Variants in KAZN observed in about 807,000 individuals in gnomAD.
KAZN encodes kazrin, periplakin interacting protein.
In KAZN, 40 loss-of-function variants were observed where a neutral mutation model predicts 87.4. The observed-to-expected ratio is 0.46, with a 90% CI of 0.36 to 0.60. The LOEUF is 0.60. Among genes scored for constraint, KAZN ranks in the 20% least tolerant of loss-of-function variants. The probability of loss-of-function intolerance (pLI) is 0.00; values close to 1 mark genes in which losing one functional copy is unlikely to be tolerated. For missense variants in KAZN, 898 were observed against 1,073.9 expected, an observed-to-expected ratio of 0.84 and a Z score of 2.29; for synonymous variants, 466 against 458.3, an observed-to-expected ratio of 1.02 and a Z score of -0.22.
At chr1:14,417,095 G>T (rs775577271) in intron 2 of KAZN, among the ~76,000 whole-genome samples, 1 of 151,650 alleles carries the variant, frequency 6.6e-6, no homozygotes, top group South Asian at 2.1e-4. Context: ...AGGAGGCTGA[G>T]GTGGGAGAAT....
intron 1 of KAZN, among the ~76,000 whole-genome samples, chr1:14,916,768 C>T (rs1235622352): frequency 4.6e-5 from 7 of 152,024 alleles, no homozygotes; most frequent in Non-Finnish European, 8.8e-5. Flanking sequence ...TAAAAATTAG[C>T]TGGGCATGGT....
At chr1:14,471,495 T>A in intron 2 of KAZN, among the ~76,000 whole-genome samples, 1 of 152,172 alleles carries the variant, frequency 6.6e-6, no homozygotes, top group East Asian at 1.9e-4. Flanking sequence ...ATTGAGCTAT[T>A]GGCTTTTGCT....
chr1:14,214,839 G>A (rs1365501022), intron 2 of KAZN, among the ~76,000 whole-genome samples: 1 of 152,216 alleles, frequency 6.6e-6, no homozygotes, highest in African/African-American at 2.4e-5. Context: ...TGTGCCCAAG[G>A]CCGTGTGCTG....
rs1453982491 is a variant in KAZN, at chr1:14,555,492, A to T, written c.250-43491A>T. 2.0e-5 allele frequency among the ~76,000 whole-genome samples: 3 copies of T among 152,318 alleles called. No individual in the cohort carries two copies. The East Asian group carries it at 5.8e-4, about 29-fold the overall frequency. ...CACTCTTAAAGGTGCTATAGGAAAT[A>T]ACTTTACTTTAGAAATTACATTGAA... On this transcript the variant is annotated intron_variant, in intron 2 of 16. Coordinates refer to the KAZN transcript ENST00000636203.
In KAZN at chr1:15,056,821, A is replaced by C. The variant is rs1638327085; in HGVS notation, c.916+541A>C. 6.6e-6 allele frequency among the ~76,000 whole-genome samples: 1 copy of C among 152,224 alleles called. No homozygotes were observed. The highest frequency in any genetic ancestry group is 1.5e-5 in the Non-Finnish European group (1 of 68,032). On this transcript the variant is annotated intron_variant, in intron 5 of 14. Coordinates refer to ENST00000376030, the MANE Select transcript of KAZN (RefSeq NM_201628.3). The surrounding 1 kb of genome is among the most constrained non-coding windows in gnomAD (Gnocchi z 5.4). ...GTTTGCTCCAGGCACTCGGCAGGGA[A>C]GTCTGGCCTGTGGACAGCATCTGCA... is the stretch of plus-strand genomic sequence containing the variant.
At chr1:14,906,961 G>T (rs958598490) in intron 1 of KAZN, among the ~76,000 whole-genome samples, 1 of 151,946 alleles carries the variant, frequency 6.6e-6, no homozygotes, top group Admixed American at 6.6e-5. Flanking sequence ...CCTGGGGGAA[G>T]AATGACCCCC....
chr1:14,377,213 G>C (rs149876324), intron 2 of KAZN, among the ~76,000 whole-genome samples: 1 of 152,286 alleles, frequency 6.6e-6, no homozygotes, highest in Non-Finnish European at 1.5e-5. Context: ...ATGAGGGCAG[G>C]AATCAACCCA....
intron 1 of KAZN, among the ~76,000 whole-genome samples, chr1:14,010,884 G>A (rs1298979480): frequency 6.6e-6 from 1 of 152,212 alleles, no homozygotes; most frequent in African/African-American, 2.4e-5. Context: ...CCATTCTTAA[G>A]AGTGTAACTC....
In KAZN at chr1:15,049,018, A is replaced by G. The variant is rs72639852; in HGVS notation, c.726+4859A>G. Among the ~76,000 whole-genome samples, 797 of 152,300 alleles carry G rather than the reference A, an allele frequency of 5.2e-3. 7 individuals are homozygous for G. The highest frequency in any genetic ancestry group is 0.031 in the East Asian group (158 of 5,172). ...CAAGAAGCACCCCGTCTTCATGCGC[A>G]GTCACTCCAGTGAGGTCTGTATTCT... On this transcript the variant is annotated intron_variant, in intron 4 of 14. Coordinates refer to ENST00000376030, the MANE Select transcript of KAZN (RefSeq NM_201628.3).
intron 2 of KAZN, among the ~76,000 whole-genome samples, chr1:14,450,348 G>A (rs930324105): frequency 2.6e-5 from 4 of 152,270 alleles, no homozygotes; most frequent in Admixed American, 2.0e-4. Flanking sequence ...CAACACTTTC[G>A]GAGGCCGAAG....
intron 1 of KAZN, among the ~76,000 whole-genome samples, chr1:14,851,077 C>T (rs1649377835): frequency 6.6e-6 from 1 of 152,222 alleles, no homozygotes; most frequent in Non-Finnish European, 1.5e-5. Flanking sequence ...CGGGTTGGCC[C>T]TTCCACCATC....
intron 1 of KAZN, among the ~76,000 whole-genome samples, chr1:14,958,425 C>T (rs1425569556): frequency 3.3e-5 from 5 of 151,584 alleles, no homozygotes; most frequent in African/African-American, 9.7e-5. Flanking sequence ...TTCCTATGTA[C>T]ACAAGGCACT....
intron 1 of KAZN, among the ~76,000 whole-genome samples, chr1:13,896,413 T>G (rs1292948728): frequency 6.6e-6 from 1 of 152,084 alleles, no homozygotes; most frequent in Non-Finnish European, 1.5e-5. Context: ...TCTCAGTCTC[T>G]CAAGTAGCTG....
chr1:13,972,016 A>G (rs1044002013), intron 1 of KAZN, among the ~76,000 whole-genome samples: 1 of 152,120 alleles, frequency 6.6e-6, no homozygotes, highest in Non-Finnish European at 1.5e-5. Context: ...TTGTTTATTG[A>G]TTACCCAGTC....
At chr1:15,101,517 A>C in intron 10 of KAZN, 26 bp from the exon 11 acceptor site, 8 of 1,499,144 alleles carry the variant, frequency 5.3e-6, no homozygotes, top group African/African-American at 1.4e-5. Context: ...CCACCCATCC[A>C]CTCTCTGGCT....
intron 1 of KAZN, among the ~76,000 whole-genome samples, chr1:14,873,767 A>ATC (rs1652443856): frequency 1.3e-5 from 2 of 152,356 alleles, no homozygotes; most frequent in South Asian, 2.1e-4. Flanking sequence ...TACTGCAATC[A>ATC]TCTAGGCATG....
chr1:13,962,336 C>T (rs1383946380), intron 1 of KAZN, among the ~76,000 whole-genome samples: 1 of 152,038 alleles, frequency 6.6e-6, no homozygotes, highest in Non-Finnish European at 1.5e-5. Flanking sequence ...TTGTCCCTAT[C>T]TCTGGTGGGG....
chr1:14,055,964 A>G (rs1324915995), intron 1 of KAZN, among the ~76,000 whole-genome samples: 1 of 152,108 alleles, frequency 6.6e-6, no homozygotes, highest in Non-Finnish European at 1.5e-5. Context: ...TTTCTGCCCC[A>G]TCAAGCTAGC....
chr1:15,083,360 C>T (rs1640097410), intron 8 of KAZN, among the ~76,000 whole-genome samples: 1 of 152,242 alleles, frequency 6.6e-6, no homozygotes, highest in African/African-American at 2.4e-5. Flanking sequence ...GAATGGTGCA[C>T]TGGGCCTGTC....
Sources: gnomAD v4.1 joint callset for allele counts (sites outside exome capture counted in the v4.1 genomes callset) on GRCh38, gnomAD v4.1.1 for gene constraint, Gnocchi (gnomAD v3.1) non-coding constraint, MANE v1.5 for transcripts, NCBI Gene and HGNC (gene_info 2026-07-23, HGNC 2026-07-21) for gene names.